The following SLC38A9 variants were observed in gnomAD, a reference collection of about 807,000 sequenced individuals.
The protein encoded by SLC38A9 is solute carrier family 38 member 9, also known as neutral amino acid transporter 9.
SLC38A9 carries 48 observed loss-of-function variants against 62.3 expected under a neutral mutation model. That is an observed-to-expected ratio of 0.77 (90% CI 0.61 to 0.98). The LOEUF (loss-of-function observed/expected upper bound fraction) is 0.98, where lower values mean the gene tolerates loss of function less well. SLC38A9 is among the 50% of genes least tolerant of loss of function. The pLI is 0.00. For missense variants in SLC38A9, 541 were observed against 679.8 expected (o/e 0.80, Z 2.27); for synonymous variants, 204 against 227.7 (o/e 0.90, Z 0.94).
chr5:55,650,260 T>C (rs1747147970), intron 10 of SLC38A9, among the ~76,000 whole-genome samples: 1 of 152,138 alleles, frequency 6.6e-6, no homozygotes, highest in Admixed American at 6.6e-5. Flanking sequence ...TTTAGTAGTG[T>C]AGAAGGTAGA....
chr5:55,633,674 T>A, intron 14 of SLC38A9, 80 bp downstream of exon 14: 1 of 1,585,714 alleles, frequency 6.3e-7, no homozygotes, highest in Non-Finnish European at 8.6e-7. Flanking sequence ...AGCAAAAGGA[T>A]CAGTCACACT....
Position 55,642,334 on chromosome 5 carries a change from C to T in SLC38A9, c.1167+3455G>A, listed in dbSNP as rs951146226. On this transcript the variant is annotated intron_variant, in intron 12 of 15. Coordinates refer to ENST00000396865, the MANE Select transcript of SLC38A9 (RefSeq NM_173514.4). ...TGTTGGGATTACAGGCGTGAGCCAC[C>T]GTGCCCAGCCTGAGACTGTTTTCTA... Among the ~76,000 whole-genome samples the T allele has an allele frequency of 1.1e-4, 17 of 152,168 alleles. 1 individual carries two copies. Among genetic ancestry groups the T allele is most frequent in the Non-Finnish European group, 7.3e-5 (5 of 68,038 alleles).
chr5:55,634,085 T>C (rs1245845503), intron 13 of SLC38A9, 183 bp from the exon 14 acceptor site: 2 of 426,282 alleles, frequency 4.7e-6, no homozygotes, highest in African/African-American at 4.1e-5. Context: ...AAACCGAAAG[T>C]GTTCAGAAAC....
intron 3 of SLC38A9, among the ~76,000 whole-genome samples, chr5:55,677,926 T>TGTGTGTCTGTGTGTG (rs1554062822): frequency 8.9e-6 from 1 of 112,144 alleles, no homozygotes; most frequent in African/African-American, 3.3e-5. Flanking sequence ...TTTTTCTTTA[T>TGTGTGTCTGTGTGTG]TGTGTGTGTG....
intron 9 of SLC38A9, among the ~76,000 whole-genome samples, chr5:55,654,333 G>A (rs1187946130): frequency 6.6e-6 from 1 of 152,118 alleles, no homozygotes; most frequent in Non-Finnish European, 1.5e-5. Flanking sequence ...CACAGGCTAT[G>A]GCAGCTGGGC....
rs769769299 is a variant in SLC38A9 at position 55,672,653 on chromosome 5, A to G, written c.156T>C (p.His52=). ...IEPTNIVNVN[H]VIQRVSDHAS... Reference sequence around the variant, plus strand: ...CATGGTCACTAACCCTCTGAATGACATGATTCACATTCACGATGTTTGTGG... The same window carrying G: ...CATGGTCACTAACCCTCTGAATGACGTGATTCACATTCACGATGTTTGTGG... The change falls in exon 4 of 16, where the codon CAT becomes CAC. Residue 52 remains histidine (H), a synonymous_variant. Transcript: ENST00000396865. 11 of 1,614,064 alleles carry G rather than the reference A, an allele frequency of 6.8e-6. No homozygotes were observed. The highest frequency in any genetic ancestry group is 2.7e-5 in the African/African-American group (2 of 74,932).
chr5:55,649,085 T>C, intron 11 of SLC38A9, 122 bp downstream of exon 11: 1 of 512,796 alleles, frequency 2.0e-6, no homozygotes, highest in Non-Finnish European at 3.3e-6. Flanking sequence ...GTCCTGTTTT[T>C]AACTTAATAG....
At chr5:55,669,723 G>A (rs768725495) in intron 5 of SLC38A9, 35 bp downstream of exon 5, 1 of 1,606,100 alleles carries the variant, frequency 6.2e-7, no homozygotes, top group Admixed American at 1.7e-5. Flanking sequence ...TCCATATACA[G>A]TTTAAGTCAT....
Position 55,652,546 on chromosome 5 carries a change from G to GAAAA in SLC38A9, c.931_934dup (p.Ser312PhefsTer5), listed in dbSNP as rs753030864. 1 of 1,599,628 alleles carries GAAAA rather than the reference G, an allele frequency of 6.3e-7. No homozygotes were observed. Among genetic ancestry groups the GAAAA allele is most frequent in the African/African-American group, 1.4e-5 (1 of 73,986 alleles). ...CTACTTACCTAGGATATTAAATTTT[G>GAAAA]AAAAAAATGAAGGAGACTTGAAATT... On this transcript the variant is annotated frameshift_variant, in exon 10 of 16. Transcript: ENST00000396865. LOFTEE classifies it high-confidence loss of function.
Position 55,682,111 on chromosome 5 carries a change from A to AT in SLC38A9, c.114-9417dup. 1.3e-5 allele frequency among the ~76,000 whole-genome samples: 2 copies of AT among 152,272 alleles called. 1 individual carries two copies. ...GGAGATGAATGAGGGAGGAGCCTAC[A>AT]TGCCCTTAACAGATCCATGCCAGGG... On this transcript the variant is annotated intron_variant, in intron 3 of 15. Transcript: ENST00000396865.
intron 8 of SLC38A9, among the ~76,000 whole-genome samples, chr5:55,658,656 T>G (rs1424083774): frequency 6.6e-6 from 1 of 152,190 alleles, no homozygotes; most frequent in Non-Finnish European, 1.5e-5. Flanking sequence ...ACCCTTTGAT[T>G]TCACATCTCT....
At chr5:55,704,597 T>C (rs561177614) in intron 2 of SLC38A9, among the ~76,000 whole-genome samples, 1 of 152,284 alleles carries the variant, frequency 6.6e-6, no homozygotes, top group South Asian at 2.1e-4. Flanking sequence ...CAGCAATCCA[T>C]AGAATTGTTA....
At chr5:55,700,811 C>T (rs990978253) in intron 2 of SLC38A9, among the ~76,000 whole-genome samples, 2 of 152,202 alleles carry the variant, frequency 1.3e-5, no homozygotes. Flanking sequence ...TCACTTTCCT[C>T]CTTGACAAGC....
At chr5:55,688,265 AT>A (rs1754216095) in intron 3 of SLC38A9, among the ~76,000 whole-genome samples, 1 of 151,600 alleles carries the variant, frequency 6.6e-6, no homozygotes. Context: ...CTCTTGCCTG[AT>A]TGCTCTGGCC....
At chr5:55,709,991 C>T (rs572796386) in intron 2 of SLC38A9, among the ~76,000 whole-genome samples, 22 of 149,132 alleles carry the variant, frequency 1.5e-4, no homozygotes, top group African/African-American at 5.4e-4. Context: ...ATCGCTTGAA[C>T]CCGGGAGGCA....
At chr5:55,680,699 C>A (rs928186597) in intron 3 of SLC38A9, among the ~76,000 whole-genome samples, 1 of 152,214 alleles carries the variant, frequency 6.6e-6, no homozygotes, top group African/African-American at 2.4e-5. Flanking sequence ...TTCTATACAT[C>A]AAGCCTTAGA....
rs4865615 is a variant in SLC38A9, at chr5:55,664,845, C to A, written c.545G>T (p.Ser182Ile). 3 of 1,546,230 alleles carry A rather than the reference C, an allele frequency of 1.9e-6. No individual in the cohort carries two copies. The African/African-American group carries it at 4.2e-5, about 22-fold the overall frequency. Residue 182 changes from serine to isoleucine, a missense_variant, in exon 8 of 16, where the codon AGC becomes ATC. Ser to Ile is a moderately radical substitution (Grantham distance 142). Transcript: ENST00000396865. ...TCTGCAGACATCTGGATATTCCCAG[C>A]TAGTGGTATCCAACGAAACTAGATA... Reference protein sequence around the residue: ...RTMMFSLDTTSWEYPDVCRHY... With the variant: ...RTMMFSLDTTIWEYPDVCRHY...
rs869297949 is a variant in SLC38A9 at position 55,678,645 on chromosome 5, CTTTTTTTT to C, written c.114-5958_114-5951del. 1.4e-3 allele frequency among the ~76,000 whole-genome samples: 66 copies of C among 45,834 alleles called. 1 individual carries two copies. In the South Asian group the frequency reaches 0.052, roughly 36 times the overall value. The allele number at this position is 45,834 out of a possible 152,430, so 30.1% of individuals were successfully genotyped here. On this transcript the variant is annotated intron_variant, in intron 3 of 15. Transcript: ENST00000396865. Reference sequence around the variant, plus strand: ...AATTGTTGGATAAGACTGAAATGAACTTTTTTTTTTTTTTTTTTTTTTTTTTTTTGAGA... The same window carrying C: ...AATTGTTGGATAAGACTGAAATGAACTTTTTTTTTTTTTTTTTTTTTGAGA...
intron 3 of SLC38A9, among the ~76,000 whole-genome samples, chr5:55,682,670 G>A (rs6895259): frequency 0.6 from 90,811 of 151,558 alleles, 27,764 homozygotes; most frequent in South Asian, 0.7. Context: ...AGCCTCCAGG[G>A]AGGCTGAGGC....
Sources: gnomAD v4.1 joint callset for allele counts (sites outside exome capture counted in the v4.1 genomes callset) on GRCh38, gnomAD v4.1.1 for gene constraint, MANE v1.5 for transcripts, NCBI Gene and HGNC (gene_info 2026-07-23, HGNC 2026-07-21) for gene names.